The following EP400 variants were observed in gnomAD, a reference collection of about 807,000 sequenced individuals.
EP400 encodes the protein E1A binding protein p400.
A neutral mutation model predicts 354.1 loss-of-function variants in EP400; 105 were observed. That is an observed-to-expected ratio of 0.30 (90% CI 0.25 to 0.35). The LOEUF is 0.35. Among genes scored for constraint, EP400 ranks in the 10% least tolerant of loss-of-function variants. The pLI is 1.00. For synonymous variants in EP400, 1,646 were observed against 1,716.9 expected (o/e 0.96, Z 1.02); for missense variants, 3,280 against 4,121.0 (o/e 0.80, Z 5.59).
Position 132,067,206 on chromosome 12 carries a change from G to T in EP400, c.8750-156G>T. ...AATTTAAGTGTAATTTGTGAACCCA[G>T]AAACATTTTAATGTAGTTAAGGGAT... On this transcript the variant is annotated intron_variant, in intron 49 of 52. Coordinates refer to ENST00000389561, the MANE Select transcript of EP400 (RefSeq NM_015409.5). The surrounding 1 kb of genome is among the most constrained non-coding windows in gnomAD (Gnocchi z 5.3). The T allele has an allele frequency of 7.9e-7, 1 of 1,260,384 alleles. No homozygotes were observed. The highest frequency in any genetic ancestry group is 1.1e-6 in the Non-Finnish European group (1 of 913,486). The allele number at this position is 1,260,384 out of a possible 1,614,324, so 78.1% of individuals were successfully genotyped here. A position where few individuals can be genotyped will look rare whatever the true frequency, so the allele number is the denominator to read the frequency against.
In EP400 at chr12:132,067,347, T is replaced by G; in HGVS notation, c.8750-15T>G. 6.2e-7 allele frequency: 1 copy of G among 1,611,194 alleles called. No individual in the cohort carries two copies. The highest frequency in any genetic ancestry group is 8.5e-7 in the Non-Finnish European group (1 of 1,178,464). On this transcript the variant is annotated splice_polypyrimidine_tract_variant and intron_variant, in intron 49 of 52. Transcript: ENST00000389561. This position sits in a 1 kb window ranked among gnomAD's most constrained non-coding sequence, Gnocchi z 5.3. The stretch of plus-strand genomic sequence containing the variant: ...TTTCCCAGTGTGCTGACTAAGGGGC[T>G]TTTGCTGCCTGCAGGACAGACCGTG...
rs773993972 is a variant in EP400 at position 132,062,182 on chromosome 12, A to C, written c.7957A>C (p.Thr2653Pro). ...GCCACGGGCAGTCGGCTCCCCAGCC[A>C]CGGCGACCCCTGACCTGGTGTCCAT... Reference protein sequence around the residue: ...PPPRAVGSPATATPDLVSMAT... With the variant: ...PPPRAVGSPAPATPDLVSMAT... Residue 2653 changes from threonine to proline, a missense_variant, in exon 46 of 53, where the codon ACG becomes CCG. Physicochemically the swap from Thr to Pro is conservative, Grantham distance 38. Around this residue, in one of 20 missense-constraint regions of EP400, gnomAD observed 255 missense variants for 295.9 expected, o/e 0.86. Transcript: ENST00000389561. 6.2e-7 allele frequency: 1 copy of C among 1,614,042 alleles called. No homozygotes were observed.
At chr12:131,995,834 T>A (rs1433687345) in intron 12 of EP400, among the ~76,000 whole-genome samples, 2 of 149,760 alleles carry the variant, frequency 1.3e-5, no homozygotes, top group Admixed American at 1.3e-4. Flanking sequence ...TGACTGAATG[T>A]GCCGTTCATC....
intron 7 of EP400, among the ~76,000 whole-genome samples, chr12:131,988,119 G>A (rs546585741): frequency 4.6e-5 from 7 of 150,946 alleles, no homozygotes; most frequent in African/African-American, 7.3e-5. Flanking sequence ...GTGATTGCTC[G>A]CCTCGGCCTC....
At chr12:132,066,459 G>A (rs1235667082) in intron 48 of EP400, 2 of 300,222 alleles carry the variant, frequency 6.7e-6, no homozygotes, top group South Asian at 4.6e-5. Context: ...GGAAAAACGG[G>A]ACAGGATGCG....
rs761719119 is a variant in EP400 at position 132,027,519 on chromosome 12, A to G, written c.5097A>G (p.Gly1699=). The change falls in exon 26 of 53, where the codon GGA becomes GGG. Residue 1699 remains glycine (G), a synonymous_variant. Transcript: ENST00000389561. The surrounding 1 kb of genome is among the most constrained non-coding windows in gnomAD (Gnocchi z 4.9). ...GTASKPASPI[G]GPTQEEKTRL... is the part of the protein sequence containing the mutation. ...CCTCCAAACCAGCTTCTCCCATTGGAGGGCCGACCCAGGTAAGCACCTGAG... is the reference window on the plus strand; with the variant it reads ...CCTCCAAACCAGCTTCTCCCATTGGGGGGCCGACCCAGGTAAGCACCTGAG... The G allele has an allele frequency of 2.5e-6, 4 of 1,612,486 alleles. No homozygotes were observed. Among genetic ancestry groups the G allele is most frequent in the Admixed American group, 1.7e-5 (1 of 59,806 alleles).
chr12:132,041,505 C>T (rs1894907994), intron 32 of EP400, among the ~76,000 whole-genome samples: 2 of 152,168 alleles, frequency 1.3e-5, no homozygotes, highest in Non-Finnish European at 2.9e-5. Context: ...TTGTGCGTAG[C>T]AGTCTGTAAC....
chr12:131,957,088 C>G (rs2136461892), intron 1 of EP400, among the ~76,000 whole-genome samples: 1 of 152,162 alleles, frequency 6.6e-6, no homozygotes, highest in East Asian at 1.9e-4. Context: ...TCAGGCTGGT[C>G]TCAAAGTCCT....
Position 132,043,411 on chromosome 12 carries a change from G to T in EP400, c.6315G>T (p.Pro2105=). The T allele has an allele frequency of 6.2e-7, 1 of 1,613,600 alleles. No homozygotes were observed. Among genetic ancestry groups the T allele is most frequent in the Non-Finnish European group, 8.5e-7 (1 of 1,180,022 alleles). The part of the protein sequence containing the change: ...DALSSDSENM[P]CDEEPSQLEE... ...TGTCATCAGACTCTGAGAACATGCCGTGTGATGAAGAACCATCCCAATTAG... is the reference window on the plus strand; with the variant it reads ...TGTCATCAGACTCTGAGAACATGCCTTGTGATGAAGAACCATCCCAATTAG... The change falls in exon 33 of 53, where the codon CCG becomes CCT. Residue 2105 remains proline (P), a synonymous_variant. Coordinates refer to ENST00000389561, the MANE Select transcript of EP400 (RefSeq NM_015409.5).
At chr12:132,026,101 G>A (rs1366863915) in intron 25 of EP400, among the ~76,000 whole-genome samples, 2 of 152,124 alleles carry the variant, frequency 1.3e-5, no homozygotes, top group South Asian at 2.1e-4. Context: ...TTTGTATATC[G>A]CCAGTGTGCT....
intron 2 of EP400, chr12:131,963,661 C>G: frequency 6.4e-7 from 1 of 1,574,450 alleles, no homozygotes; most frequent in Non-Finnish European, 8.6e-7. Context: ...CGATGGTTCT[C>G]AAATGTAGTC....
chr12:132,046,224 G>T (rs1384200780), intron 39 of EP400, among the ~76,000 whole-genome samples: 1 of 152,160 alleles, frequency 6.6e-6, no homozygotes, highest in Non-Finnish European at 1.5e-5. Context: ...GATAATGAGG[G>T]TGTCATCTGA....
chr12:132,013,258 C>T lies in EP400; in HGVS notation c.3611+80C>T. 2 of 1,498,498 alleles carry T rather than the reference C, an allele frequency of 1.3e-6. No homozygotes were observed. Among genetic ancestry groups the T allele is most frequent in the Non-Finnish European group, 8.9e-7 (1 of 1,117,536 alleles). 92.8% of individuals were successfully genotyped at this position (1,498,498 alleles called of 1,614,324 possible). On this transcript the variant is annotated intron_variant, in intron 17 of 52. Coordinates refer to ENST00000389561, the MANE Select transcript of EP400 (RefSeq NM_015409.5). The surrounding 1 kb of genome is among the most constrained non-coding windows in gnomAD (Gnocchi z 4.5). The stretch of plus-strand genomic sequence containing the variant: ...TCTCTTGAAGAAATCTGCATAATTG[C>T]AGACACAAACAATGGCCTTTGAGCT...
At position 132,075,360 on chromosome 12, in the gene EP400, G is replaced by C. The variant is rs1209758934; in HGVS notation, c.9022-1156G>C. On this transcript the variant is annotated intron_variant, in intron 51 of 52. Transcript: ENST00000389561. The surrounding 1 kb of genome is among the most constrained non-coding windows in gnomAD (Gnocchi z 4.5). Reference sequence around the variant, plus strand: ...GTGCAGCTTTTCTGCTCCGTGACTCGTGATGCCCGCCTGTGCTTAGGTTTG... The same window carrying C: ...GTGCAGCTTTTCTGCTCCGTGACTCCTGATGCCCGCCTGTGCTTAGGTTTG... Among the ~76,000 whole-genome samples the C allele has an allele frequency of 6.6e-6, 1 of 152,154 alleles. No homozygotes were observed. The highest frequency in any genetic ancestry group is 2.1e-4 in the South Asian group (1 of 4,826).
In EP400 at chr12:132,023,762, T is replaced by C. The variant is rs764311898; in HGVS notation, c.4691-15T>C. 1 of 1,610,714 alleles carries C rather than the reference T, an allele frequency of 6.2e-7. No homozygotes were observed. The highest frequency in any genetic ancestry group is 2.2e-5 in the East Asian group (1 of 44,804). On this transcript the variant is annotated splice_polypyrimidine_tract_variant and intron_variant, in intron 23 of 52. Transcript: ENST00000389561. ...AAAATGATCTGAATTCACCTTTTCCTCTACGTTTCAACAGGTGGAGAGGTA... is the reference window on the plus strand; with the variant it reads ...AAAATGATCTGAATTCACCTTTTCCCCTACGTTTCAACAGGTGGAGAGGTA...
Position 132,006,273 on chromosome 12 carries a change from C to T in EP400, c.3097C>T (p.Pro1033Ser). 2 of 1,614,194 alleles carry T rather than the reference C, an allele frequency of 1.2e-6. No individual in the cohort carries two copies. The highest frequency in any genetic ancestry group is 1.7e-6 in the Non-Finnish European group (2 of 1,180,020). Residue 1033 changes from proline (P) to serine (S), a missense_variant, in exon 14 of 53, where the codon CCG becomes TCG. By Grantham distance (74) the Pro-to-Ser change is moderately conservative (BLOSUM62 -1). Coordinates refer to ENST00000389561, the MANE Select transcript of EP400 (RefSeq NM_015409.5). Reference sequence around the variant, plus strand: ...CACTGCGGTGGCTGAAGCCATCCTGCCGAAGGGCAGTGCTCGGGTCACAAC... The same window carrying T: ...CACTGCGGTGGCTGAAGCCATCCTGTCGAAGGGCAGTGCTCGGGTCACAAC... ...DVTAVAEAIL[P>S]KGSARVTTSV...
chr12:131,957,698 C>T (rs145321760), intron 1 of EP400, among the ~76,000 whole-genome samples: 87 of 152,106 alleles, frequency 5.7e-4, no homozygotes, highest in Non-Finnish European at 1.0e-3. Flanking sequence ...CAGGTTCAAG[C>T]GATTCTTCTG....
At chr12:131,982,548 G>A (rs1390530140) in intron 5 of EP400, 70 bp downstream of exon 5, 1 of 1,518,068 alleles carries the variant, frequency 6.6e-7, no homozygotes, top group Non-Finnish European at 8.9e-7. Flanking sequence ...GTGTTAGACA[G>A]AGTGTCACAC....
Position 131,994,970 on chromosome 12 carries a change from A to G in EP400, c.2827+14A>G. 6.2e-7 allele frequency: 1 copy of G among 1,608,302 alleles called. No homozygotes were observed. The highest frequency in any genetic ancestry group is 8.5e-7 in the Non-Finnish European group (1 of 1,175,406). ...TAGCCAAGGAAGGTAGGCTGTTGCTACCTTATTAAACATTCAGTAAGTAAA... is the reference window on the plus strand; with the variant it reads ...TAGCCAAGGAAGGTAGGCTGTTGCTGCCTTATTAAACATTCAGTAAGTAAA... On this transcript the variant is annotated intron_variant, in intron 12 of 52. Coordinates refer to ENST00000389561, the MANE Select transcript of EP400 (RefSeq NM_015409.5). This position sits in a 1 kb window ranked among gnomAD's most constrained non-coding sequence, Gnocchi z 4.6.
Sources: allele counts gnomAD v4.1 joint callset (sites outside exome capture counted in the v4.1 genomes callset), GRCh38; gene constraint gnomAD v4.1.1; regional missense constraint gnomAD v4.1.1; non-coding constraint Gnocchi (gnomAD v3.1); transcripts MANE v1.5; gene names NCBI Gene and HGNC (gene_info 2026-07-23, HGNC 2026-07-21).